The following RAB38 variants were observed in gnomAD, a reference collection of about 807,000 sequenced individuals.
RAB38 encodes ras-related protein Rab-38.
Under a neutral mutation model 18.4 loss-of-function variants are expected in RAB38, and 15 were observed. The ratio of observed to expected loss-of-function variants is 0.82; its 90% confidence interval spans 0.55 to 1.26. The LOEUF (loss-of-function observed/expected upper bound fraction) is 1.26. RAB38 is among the 50% of genes most tolerant of loss of function. The pLI is 0.00. For synonymous variants in RAB38, 101 were observed against 104.4 expected (o/e 0.97, Z 0.20); for missense variants, 294 against 267.4 (o/e 1.10, Z -0.69).
At chr11:88,061,557 C>G in the RAB38 span, 2 of 152,096 alleles carry the variant, frequency 1.3e-5, no homozygotes, top group Non-Finnish European at 2.9e-5. Context: ...ACAACTGATT[C>G]TAACTGGTGA....
intron 2 of RAB38, 63 bp from the exon 3 acceptor site, chr11:88,114,203 G>T: frequency 6.5e-7 from 1 of 1,539,146 alleles, no homozygotes; most frequent in Non-Finnish European, 8.9e-7. Context: ...CTAGAGCAGA[G>T]ACTTATATGT....
intron 2 of RAB38, among the ~76,000 whole-genome samples, chr11:88,139,817 A>T (rs1428241581): frequency 1.3e-5 from 2 of 152,222 alleles, no homozygotes; most frequent in Non-Finnish European, 2.9e-5. Context: ...CATGGAATAG[A>T]TAGAGTGCTA....
the RAB38 span, among the ~76,000 whole-genome samples, chr11:88,095,272 G>A: frequency 1.3e-5 from 2 of 151,768 alleles, no homozygotes; most frequent in African/African-American, 2.4e-5. Context: ...TCCAAGCAAG[G>A]GAATTGTTTA....
At chr11:88,130,476 A>G (rs1942753438) in intron 2 of RAB38, among the ~76,000 whole-genome samples, 1 of 152,240 alleles carries the variant, frequency 6.6e-6, no homozygotes, top group African/African-American at 2.4e-5. Flanking sequence ...GAGACGGACT[A>G]GCACTACAAG....
chr11:87,869,069 A>G, the RAB38 span, among the ~76,000 whole-genome samples: 2 of 151,672 alleles, frequency 1.3e-5, no homozygotes, highest in East Asian at 2.0e-4. Context: ...TTATCCTGTT[A>G]TCTTATTCTG....
At chr11:87,830,424 T>C in the RAB38 span, among the ~76,000 whole-genome samples, 2 of 151,994 alleles carry the variant, frequency 1.3e-5, no homozygotes, top group South Asian at 2.1e-4. Flanking sequence ...GAGGCTGTAG[T>C]GAGCCATGAT....
intron 2 of RAB38, among the ~76,000 whole-genome samples, chr11:88,134,511 G>A (rs1942809064): frequency 6.6e-6 from 1 of 152,176 alleles, no homozygotes. Flanking sequence ...CCAAAGTGCT[G>A]GGATTACAGG....
the RAB38 span, among the ~76,000 whole-genome samples, chr11:87,959,075 C>G: frequency 3.3e-5 from 5 of 152,212 alleles, no homozygotes; most frequent in East Asian, 9.7e-4. Context: ...ATGTACACCC[C>G]ACCAATCATC....
intron 2 of RAB38, among the ~76,000 whole-genome samples, chr11:88,139,181 T>C (rs896501708): frequency 2.0e-5 from 3 of 152,186 alleles, no homozygotes; most frequent in African/African-American, 7.2e-5. Flanking sequence ...TGTTCTTGAT[T>C]AGATATCTTA....
the RAB38 span, among the ~76,000 whole-genome samples, chr11:88,092,326 CAG>C: frequency 0.034 from 274 of 8,124 alleles, 42 homozygotes; most frequent in Middle Eastern, 0.25. Flanking sequence ...AAGAGGGAGG[CAG>C]AGAGAGAGAG....
chr11:87,927,316 G>T, the RAB38 span, among the ~76,000 whole-genome samples: 1 of 151,978 alleles, frequency 6.6e-6, no homozygotes, highest in African/African-American at 2.4e-5. Context: ...ATAAATAAAA[G>T]AAAAATTTAG....
At chr11:87,892,300 TCTAA>T in the RAB38 span, among the ~76,000 whole-genome samples, 2 of 151,824 alleles carry the variant, frequency 1.3e-5, no homozygotes, top group African/African-American at 4.8e-5. Context: ...CCCAAACACA[TCTAA>T]CTAATTACTG....
intron 2 of RAB38, 74 bp from the exon 3 acceptor site, chr11:88,114,214 G>T: frequency 1.3e-6 from 2 of 1,489,788 alleles, no homozygotes; most frequent in South Asian, 1.2e-5. Flanking sequence ...ACTTATATGT[G>T]ACAATTCATT....
chr11:88,029,772 T>A, the RAB38 span, among the ~76,000 whole-genome samples: 1 of 151,758 alleles, frequency 6.6e-6, no homozygotes, highest in Non-Finnish European at 1.5e-5. Context: ...CTCCCACACA[T>A]TAATAATGGG....
chr11:88,020,014 G>C, the RAB38 span, among the ~76,000 whole-genome samples: 6 of 152,146 alleles, frequency 3.9e-5, no homozygotes, highest in African/African-American at 1.4e-4. Flanking sequence ...CATTTAATGA[G>C]TATATATGAA....
chr11:88,065,709 C>T, the RAB38 span, among the ~76,000 whole-genome samples: 1 of 152,132 alleles, frequency 6.6e-6, no homozygotes, highest in Non-Finnish European at 1.5e-5. Flanking sequence ...TTGAAGTCCT[C>T]ATAGGGTTGC....
the RAB38 span, among the ~76,000 whole-genome samples, chr11:88,012,837 C>T: frequency 2.0e-5 from 3 of 152,150 alleles, no homozygotes; most frequent in African/African-American, 7.2e-5. Context: ...TGTTCCTTTA[C>T]TACACTAGTG....
At chr11:87,974,389 A>T in the RAB38 span, among the ~76,000 whole-genome samples, 1 of 152,018 alleles carries the variant, frequency 6.6e-6, no homozygotes. Context: ...TTAACAGCAG[A>T]TTTGATATTG....
At position 88,113,955 on chromosome 11, in the gene RAB38, G is replaced by T; in HGVS notation, c.*33C>A. 6.2e-7 allele frequency: 1 copy of T among 1,612,870 alleles called. No homozygotes were observed. On this transcript the variant is annotated 3_prime_UTR_variant, in exon 3 of 3. Coordinates refer to ENST00000243662, the MANE Select transcript of RAB38 (RefSeq NM_022337.3). ...GAGGCACAATTTGTGGAACAATGAG[G>T]TCATTCCTACCAGACACCAGCAAAG...
Sources: gnomAD v4.1 joint callset for allele counts (sites outside exome capture counted in the v4.1 genomes callset) on GRCh38, gnomAD v4.1.1 for gene constraint, MANE v1.5 for transcripts, NCBI Gene and HGNC (gene_info 2026-07-23, HGNC 2026-07-21) for gene names.